PTPN11: variants seen among roughly 807,000 people sequenced by gnomAD.
PTPN11 encodes tyrosine-protein phosphatase non-receptor type 11.
PTPN11 carries 6 observed loss-of-function variants against 78.8 expected under a neutral mutation model. The observed-to-expected ratio is 0.08, with a 90% CI of 0.04 to 0.15. The LOEUF is 0.15. PTPN11 is among the 10% of genes least tolerant of loss of function. The probability of loss-of-function intolerance (pLI) is 1.00; values close to 1 mark genes in which losing one functional copy is unlikely to be tolerated. For synonymous variants in PTPN11, 221 were observed against 263.5 expected (o/e 0.84, Z 1.56); for missense variants, 386 against 744.8 (o/e 0.52, Z 5.61).
At chr12:112,429,069 T>C (rs944047465) in intron 1 of PTPN11, among the ~76,000 whole-genome samples, 3 of 152,270 alleles carry the variant, frequency 2.0e-5, no homozygotes, top group Non-Finnish European at 4.4e-5. Context: ...TTTGAAATAA[T>C]GTAGAGACAG....
chr12:112,456,401 A>G (rs554469372), intron 6 of PTPN11, among the ~76,000 whole-genome samples: 5 of 151,720 alleles, frequency 3.3e-5, no homozygotes, highest in Non-Finnish European at 7.4e-5. Flanking sequence ...TTTAGAAACA[A>G]TCTATAGCCT....
intron 1 of PTPN11, among the ~76,000 whole-genome samples, chr12:112,419,837 G>A (rs916466853): frequency 2.0e-5 from 3 of 152,194 alleles, no homozygotes; most frequent in African/African-American, 7.2e-5. Flanking sequence ...TATGGATGAG[G>A]AAACCGAGGC....
At chr12:112,486,899 T>A (rs2135913339) in intron 11 of PTPN11, 1 of 1,399,366 alleles carries the variant, frequency 7.1e-7, no homozygotes, top group African/African-American at 1.4e-5. Flanking sequence ...CACCAGAAGT[T>A]GTGCATTAAA....
chr12:112,428,971 T>A (rs1802705877), intron 1 of PTPN11: 1 of 152,272 alleles, frequency 6.6e-6, no homozygotes, highest in African/African-American at 2.4e-5. Flanking sequence ...GGTCTCGAAC[T>A]CCCAACCTCA....
chr12:112,467,650 A>G (rs1359771176), intron 6 of PTPN11, among the ~76,000 whole-genome samples: 1 of 152,032 alleles, frequency 6.6e-6, no homozygotes, highest in Non-Finnish European at 1.5e-5. Context: ...GCGCATCACA[A>G]TGCCCAGCTG....
chr12:112,486,740 A>G, intron 11 of PTPN11, 111 bp downstream of exon 11: 11 of 1,538,252 alleles, frequency 7.2e-6, no homozygotes, highest in East Asian at 2.4e-5. Context: ...AGAATTTAAT[A>G]TCTGTTTGAG....
intron 9 of PTPN11, among the ~76,000 whole-genome samples, chr12:112,479,441 A>G (rs2038560342): frequency 6.6e-6 from 1 of 152,184 alleles, no homozygotes; most frequent in Admixed American, 6.5e-5. Context: ...TTCATATTGG[A>G]TGTGAAGGGC....
intron 9 of PTPN11, among the ~76,000 whole-genome samples, chr12:112,480,366 CTTTTTTTTTT>C (rs570561435): frequency 7.7e-6 from 1 of 130,292 alleles, no homozygotes; most frequent in African/African-American, 2.9e-5. Context: ...CCACATCGTT[CTTTTTTTTTT>C]TTTTTTTTGG....
chr12:112,438,728 C>T (rs1444993001), intron 1 of PTPN11, among the ~76,000 whole-genome samples: 1 of 152,138 alleles, frequency 6.6e-6, no homozygotes, highest in Non-Finnish European at 1.5e-5. Flanking sequence ...AGTGATCCAC[C>T]CACCTTGGCC....
Position 112,427,748 on chromosome 12 carries a change from TTTTTATTTA to T in PTPN11, c.14+8627_14+8635del, listed in dbSNP as rs1316437650. Reference sequence around the variant, plus strand: ...TCCCCTCAGTGTTTTTTTATTTTTATTTTTATTTATTTATTTTTTTTGAGACAAGGTCTT... The same window carrying T: ...TCCCCTCAGTGTTTTTTTATTTTTATTTTATTTTTTTTGAGACAAGGTCTT... On this transcript the variant is annotated intron_variant, in intron 1 of 15. Coordinates refer to ENST00000351677, the MANE Select transcript of PTPN11 (RefSeq NM_002834.5). 7.2e-5 allele frequency among the ~76,000 whole-genome samples: 11 copies of T among 151,830 alleles called. No homozygotes were observed. The South Asian group carries it at 2.3e-3, about 32-fold the overall frequency.
rs2135907020 is a variant in PTPN11 at position 112,482,206 on chromosome 12, G to A, written c.1224+1G>A. 6.2e-7 allele frequency: 1 copy of A among 1,612,968 alleles called. No homozygotes were observed. Among genetic ancestry groups the A allele is most frequent in the Non-Finnish European group, 8.5e-7 (1 of 1,179,196 alleles). ...ACTTAAACTTTCAAAGGTTGGACAA[G>A]TAAGTATATTGTCGTATTCTAGAGA... is the stretch of plus-strand genomic sequence containing the variant. On this transcript the variant is annotated splice_donor_variant, in intron 10 of 15. Transcript: ENST00000351677. LOFTEE classifies it high-confidence loss of function. This position sits in a 1 kb window ranked among gnomAD's most constrained non-coding sequence, Gnocchi z 4.4.
intron 1 of PTPN11, among the ~76,000 whole-genome samples, chr12:112,424,867 T>TTGTGTG (rs567490227): frequency 3.6e-4 from 49 of 135,168 alleles, no homozygotes; most frequent in Admixed American, 2.0e-3. Context: ...GTCAGGCTAA[T>TTGTGTG]TGTGTGTGTG....
intron 6 of PTPN11, among the ~76,000 whole-genome samples, chr12:112,467,167 C>T (rs116344523): frequency 6.6e-6 from 1 of 152,088 alleles, no homozygotes; most frequent in African/African-American, 2.4e-5. Context: ...GGAGTAGTGC[C>T]GTTGGGTACT....
intron 11 of PTPN11, among the ~76,000 whole-genome samples, chr12:112,487,785 T>C (rs181781472): frequency 5.9e-4 from 90 of 152,290 alleles, no homozygotes; most frequent in Middle Eastern, 3.4e-3. Flanking sequence ...TCAATAACTT[T>C]ATTATTATTA....
intron 6 of PTPN11, among the ~76,000 whole-genome samples, chr12:112,458,366 A>G (rs953458701): frequency 1.3e-5 from 2 of 152,144 alleles, no homozygotes; most frequent in Non-Finnish European, 2.9e-5. Flanking sequence ...GTGCACCACC[A>G]TAGCCGGCTA....
intron 1 of PTPN11, among the ~76,000 whole-genome samples, chr12:112,430,716 C>A (rs1260050104): frequency 6.6e-6 from 1 of 151,992 alleles, no homozygotes; most frequent in Non-Finnish European, 1.5e-5. Flanking sequence ...TGTGCCATCA[C>A]CCAGCTAATT....
chr12:112,502,206 T>C lies in PTPN11; in HGVS notation c.1662T>C (p.Ser554=), dbSNP rs2135928801. ...AGTATTCTCTAGCGGACCAGACGAG[T>C]GGAGATCAGAGCCCTCTCCCGCCTT... ...NIKYSLADQT[S]GDQSPLPPCT... is the part of the protein sequence containing the mutation. The change falls in exon 14 of 16, where the codon AGT becomes AGC. Residue 554 remains serine, a synonymous_variant. Transcript: ENST00000351677. 1.2e-6 allele frequency: 2 copies of C among 1,613,736 alleles called. No homozygotes were observed. The highest frequency in any genetic ancestry group is 2.2e-5 in the East Asian group (1 of 44,876).
chr12:112,456,169 C>T (rs2038156756), intron 6 of PTPN11, 106 bp downstream of exon 6: 4 of 778,654 alleles, frequency 5.1e-6, no homozygotes, highest in East Asian at 2.7e-5. Context: ...TTGAAACTGA[C>T]GTCCTTTTTT....
At chr12:112,494,178 C>T (rs1036613784) in intron 13 of PTPN11, among the ~76,000 whole-genome samples, 4 of 152,114 alleles carry the variant, frequency 2.6e-5, no homozygotes, top group African/African-American at 4.8e-5. Context: ...CGCTTGAACC[C>T]GGGAGGCGGA....
Sources: allele counts gnomAD v4.1 joint callset (sites outside exome capture counted in the v4.1 genomes callset), GRCh38; gene constraint gnomAD v4.1.1; non-coding constraint Gnocchi (gnomAD v3.1); transcripts MANE v1.5; gene names NCBI Gene and HGNC (gene_info 2026-07-23, HGNC 2026-07-21).